Variants in PPP2R2B observed in about 807,000 individuals in gnomAD.
PPP2R2B encodes the protein protein phosphatase 2 regulatory subunit Bbeta.
Under a neutral mutation model 46.0 loss-of-function variants are expected in PPP2R2B, and 5 were observed. The ratio of observed to expected loss-of-function variants is 0.11; its 90% CI spans 0.06 to 0.23. The LOEUF is 0.23. PPP2R2B is among the 10% of genes least tolerant of loss of function. The probability of loss-of-function intolerance (pLI) is 1.00; values close to 1 mark genes in which losing one functional copy is unlikely to be tolerated. For synonymous variants in PPP2R2B, 215 were observed against 206.7 expected (o/e 1.04, Z -0.34); for missense variants, 367 against 575.0 (o/e 0.64, Z 3.70).
At chr5:146,689,022 A>G (rs567487138) in intron 5 of PPP2R2B, among the ~76,000 whole-genome samples, 1 of 152,334 alleles carries the variant, frequency 6.6e-6, no homozygotes, top group African/African-American at 2.4e-5. Context: ...TTTGTAGAAT[A>G]AATACAACAG....
At chr5:147,046,858 C>T (rs1009797439) in intron 1 of PPP2R2B, among the ~76,000 whole-genome samples, 3 of 152,094 alleles carry the variant, frequency 2.0e-5, no homozygotes, top group African/African-American at 7.2e-5. Context: ...GAGTCTGCGT[C>T]CTCCCTCTGC....
intron 2 of PPP2R2B, among the ~76,000 whole-genome samples, chr5:147,080,793 A>C (rs1373764070): frequency 1.3e-5 from 2 of 152,160 alleles, no homozygotes; most frequent in Non-Finnish European, 2.9e-5. Context: ...ATCCTGAAAC[A>C]AGGCTTGCCT....
At chr5:146,834,079 T>C (rs2151356733) in intron 2 of PPP2R2B, among the ~76,000 whole-genome samples, 1 of 152,308 alleles carries the variant, frequency 6.6e-6, no homozygotes. Flanking sequence ...TTTGGAAAAA[T>C]ATACTTTTAT....
intron 2 of PPP2R2B, chr5:146,707,094 C>T (rs777299590): frequency 1.4e-5 from 22 of 1,545,808 alleles, no homozygotes; most frequent in Non-Finnish European, 1.9e-5. Flanking sequence ...TCTTGAAGTC[C>T]TCCACCAGCC....
chr5:146,643,139 A>G (rs1775330372), intron 6 of PPP2R2B, among the ~76,000 whole-genome samples: 1 of 152,222 alleles, frequency 6.6e-6, no homozygotes, highest in Non-Finnish European at 1.5e-5. Context: ...TACAAAGTAT[A>G]TACAGTCTGA....
At chr5:146,900,153 T>C (rs1762778290) in intron 1 of PPP2R2B, among the ~76,000 whole-genome samples, 1 of 152,208 alleles carries the variant, frequency 6.6e-6, no homozygotes, top group Non-Finnish European at 1.5e-5. Flanking sequence ...TTGTGATTAT[T>C]AACACTCCTT....
At chr5:147,052,859 C>T (rs1229548307) in intron 1 of PPP2R2B, among the ~76,000 whole-genome samples, 1 of 151,920 alleles carries the variant, frequency 6.6e-6, no homozygotes, top group African/African-American at 2.4e-5. Context: ...CAAATCTCCT[C>T]TAATGTATGA....
chr5:147,042,798 G>A (rs1756374002), intron 1 of PPP2R2B, among the ~76,000 whole-genome samples: 1 of 152,086 alleles, frequency 6.6e-6, no homozygotes, highest in Admixed American at 6.6e-5. Context: ...AAAGTAGGCA[G>A]GAAGGTTTGT....
intron 1 of PPP2R2B, among the ~76,000 whole-genome samples, chr5:146,942,854 G>C (rs1764364749): frequency 6.6e-6 from 1 of 151,618 alleles, no homozygotes; most frequent in South Asian, 2.1e-4. Context: ...CTGGAATGCA[G>C]TGGCATGATC....
chr5:146,701,532 TG>T (rs1779537256), intron 2 of PPP2R2B, among the ~76,000 whole-genome samples: 1 of 152,184 alleles, frequency 6.6e-6, no homozygotes, highest in Admixed American at 6.5e-5. Flanking sequence ...GCTTCAGTTC[TG>T]GCTATTCAAA....
intron 2 of PPP2R2B, among the ~76,000 whole-genome samples, chr5:146,849,910 A>C (rs963109758): frequency 1.3e-5 from 2 of 152,228 alleles, no homozygotes; most frequent in Admixed American, 1.3e-4. Context: ...ATTAGAGTCT[A>C]AGTGGAGGAT....
intron 1 of PPP2R2B, among the ~76,000 whole-genome samples, chr5:146,934,187 G>A (rs1447702294): frequency 6.6e-6 from 1 of 151,942 alleles, no homozygotes; most frequent in Non-Finnish European, 1.5e-5. Context: ...AGTCATTTGG[G>A]TATATACCCA....
At chr5:146,751,203 T>A (rs1381702356) in intron 2 of PPP2R2B, 1 of 152,278 alleles carries the variant, frequency 6.6e-6, no homozygotes, top group Non-Finnish European at 1.5e-5. Context: ...CAACATGTGC[T>A]ATTTAATCCA....
At chr5:146,762,446 G>T (rs888076550) in intron 2 of PPP2R2B, among the ~76,000 whole-genome samples, 1 of 152,158 alleles carries the variant, frequency 6.6e-6, no homozygotes, top group African/African-American at 2.4e-5. Flanking sequence ...ACAGTTCCAG[G>T]CATACAGTCA....
At chr5:147,037,966 A>T (rs1324160317) in intron 1 of PPP2R2B, among the ~76,000 whole-genome samples, 1 of 152,190 alleles carries the variant, frequency 6.6e-6, no homozygotes, top group Non-Finnish European at 1.5e-5. Context: ...TAATAAAGTT[A>T]TATAATGTTT....
intron 2 of PPP2R2B, among the ~76,000 whole-genome samples, chr5:146,814,235 C>A (rs1425734100): frequency 7.2e-6 from 1 of 138,842 alleles, no homozygotes; most frequent in Non-Finnish European, 1.6e-5. Flanking sequence ...CTTTTTTTTT[C>A]TCTTTTTTGG....
intron 2 of PPP2R2B, among the ~76,000 whole-genome samples, chr5:146,764,445 T>C (rs892839598): frequency 1.3e-5 from 2 of 152,194 alleles, no homozygotes; most frequent in South Asian, 4.1e-4. Flanking sequence ...CACAAGTCTA[T>C]TGCCTCTTCT....
At chr5:146,753,219 C>G (rs1057414725) in intron 2 of PPP2R2B, among the ~76,000 whole-genome samples, 38 of 152,108 alleles carry the variant, frequency 2.5e-4, no homozygotes, top group Non-Finnish European at 5.1e-4. Flanking sequence ...AACAGGGCTG[C>G]TATGAGAAGG....
At chr5:146,957,021 C>T (rs556049656) in intron 1 of PPP2R2B, among the ~76,000 whole-genome samples, 5 of 152,298 alleles carry the variant, frequency 3.3e-5, no homozygotes, top group African/African-American at 1.2e-4. Flanking sequence ...CATAAACATT[C>T]AGTCTATAGC....
Sources: gnomAD v4.1 joint callset for allele counts (sites outside exome capture counted in the v4.1 genomes callset) on GRCh38, gnomAD v4.1.1 for gene constraint, MANE v1.5 for transcripts, NCBI Gene and HGNC (gene_info 2026-07-23, HGNC 2026-07-21) for gene names.